Variants in NEK11 observed in about 807,000 individuals in gnomAD.
NEK11 encodes the protein serine/threonine-protein kinase Nek11.
Under a neutral mutation model 80.7 loss-of-function variants are expected in NEK11, and 72 were observed. That is an observed-to-expected ratio of 0.89 (90% CI 0.74 to 1.08). The LOEUF is 1.08. Among genes scored for constraint, NEK11 ranks in the 50% least tolerant of loss-of-function variants. NEK11 has a pLI of 0.00. For synonymous variants in NEK11, 251 were observed against 260.7 expected (o/e 0.96, Z 0.36); for missense variants, 764 against 763.6 (o/e 1.00, Z -0.01).
At chr3:131,254,352 A>C (rs1459259791) in intron 16 of NEK11, among the ~76,000 whole-genome samples, 2 of 152,196 alleles carry the variant, frequency 1.3e-5, no homozygotes, top group Non-Finnish European at 2.9e-5. Context: ...CAATAGTGCA[A>C]GATTAACTGA....
intron 5 of NEK11, 69 bp downstream of exon 5, chr3:131,109,990 T>A: frequency 6.7e-7 from 1 of 1,483,794 alleles, no homozygotes; most frequent in Non-Finnish European, 9.0e-7. Flanking sequence ...GAAAAGTGAA[T>A]TTTTTTTCTA....
chr3:131,036,876 T>C (rs2065731410), intron 3 of NEK11, among the ~76,000 whole-genome samples: 1 of 152,222 alleles, frequency 6.6e-6, no homozygotes, highest in Admixed American at 6.5e-5. Flanking sequence ...GCATTCAGTG[T>C]GAATGGCACT....
chr3:131,205,464 C>A (rs2094416225), intron 14 of NEK11, among the ~76,000 whole-genome samples: 1 of 152,126 alleles, frequency 6.6e-6, no homozygotes, highest in African/African-American at 2.4e-5. Context: ...CAGTTGCTAT[C>A]AGGTTGTTCA....
chr3:131,229,090 A>T (rs1371618172), intron 15 of NEK11, among the ~76,000 whole-genome samples: 1 of 152,176 alleles, frequency 6.6e-6, no homozygotes, highest in African/African-American at 2.4e-5. Context: ...CACAAATTGA[A>T]TGCAAATAAA....
In NEK11 at chr3:131,177,839, A is replaced by T. The variant is rs116739483; in HGVS notation, c.1399+6952A>T. On this transcript the variant is annotated intron_variant, in intron 14 of 17. Coordinates refer to ENST00000383366, the MANE Select transcript of NEK11 (RefSeq NM_024800.5). ...AACCTATTCAAATATCACTCACGTG[A>T]ATACAGTCATGTACTGCTTAATGAC... Among the ~76,000 whole-genome samples the T allele has an allele frequency of 3.3e-3, 507 of 152,346 alleles. 4 individuals are homozygous for T. Among genetic ancestry groups the T allele is most frequent in the South Asian group, 0.022 (104 of 4,828 alleles).
intron 4 of NEK11, among the ~76,000 whole-genome samples, chr3:131,093,879 T>C (rs926960579): frequency 6.6e-6 from 1 of 151,554 alleles, no homozygotes; most frequent in Non-Finnish European, 1.5e-5. Context: ...TATCACATTA[T>C]CTTGCCATAT....
At chr3:131,325,611 A>ATT (rs1303349222) in intron 17 of NEK11, 1 of 152,188 alleles carries the variant, frequency 6.6e-6, no homozygotes, top group African/African-American at 2.4e-5. Context: ...AGTTGGGATA[A>ATT]TCATAAAAAG....
intron 5 of NEK11, among the ~76,000 whole-genome samples, chr3:131,119,421 T>A (rs1158016650): frequency 1.3e-5 from 2 of 152,162 alleles, no homozygotes; most frequent in African/African-American, 4.8e-5. Context: ...AAGTGCAATG[T>A]GGTGCTGAGA....
intron 3 of NEK11, chr3:131,053,215 G>A (rs1025202432): frequency 1.3e-5 from 2 of 152,200 alleles, no homozygotes; most frequent in Non-Finnish European, 2.9e-5. Context: ...GTAGATGGTG[G>A]TAATGTAACA....
At chr3:131,226,185 A>G (rs2095188998) in intron 14 of NEK11, among the ~76,000 whole-genome samples, 2 of 152,134 alleles carry the variant, frequency 1.3e-5, no homozygotes, top group Non-Finnish European at 2.9e-5. Flanking sequence ...GGAAGACATC[A>G]TATGGTTCTG....
chr3:131,325,790 C>CAGAT (rs1197871147), intron 17 of NEK11: 1 of 152,212 alleles, frequency 6.6e-6, no homozygotes, highest in Non-Finnish European at 1.5e-5. Flanking sequence ...AACCACTAGT[C>CAGAT]AGATACCAGT....
At chr3:131,283,346 T>C (rs542478838) in intron 17 of NEK11, among the ~76,000 whole-genome samples, 1 of 152,328 alleles carries the variant, frequency 6.6e-6, no homozygotes, top group East Asian at 1.9e-4. Flanking sequence ...ACCTTAGAGA[T>C]GCAGAAGCTG....
chr3:131,153,807 A>G (rs1055375010), intron 9 of NEK11, among the ~76,000 whole-genome samples: 3 of 152,216 alleles, frequency 2.0e-5, no homozygotes, highest in Non-Finnish European at 4.4e-5. Context: ...TAACCAAGAA[A>G]AAGTAAGGAT....
In NEK11 at chr3:131,231,200, T is replaced by C. The variant is rs992692585; in HGVS notation, c.1560+2512T>C. Among the ~76,000 whole-genome samples, 8 of 134,514 alleles carry C rather than the reference T, an allele frequency of 5.9e-5. No homozygotes were observed. In the East Asian group the frequency reaches 1.7e-3, roughly 29 times the overall value. 88.2% of individuals were successfully genotyped at this position (134,514 alleles called of 152,430 possible). A position where few individuals can be genotyped will look rare whatever the true frequency, so the allele number is the denominator to read the frequency against. On this transcript the variant is annotated intron_variant, in intron 15 of 17. Coordinates refer to ENST00000383366, the MANE Select transcript of NEK11 (RefSeq NM_024800.5). ...GGGTAGTTATCTTATTCCTATTTTC[T>C]TTTTTTTCTTTTTTTTTTTGAGACA... is the stretch of plus-strand genomic sequence containing the variant.
At chr3:131,068,992 T>C (rs1163603138) in intron 3 of NEK11, among the ~76,000 whole-genome samples, 1 of 152,168 alleles carries the variant, frequency 6.6e-6, no homozygotes, top group African/African-American at 2.4e-5. Flanking sequence ...GCCTGCATAT[T>C]ACACTTGCCA....
chr3:131,256,458 A>G (rs1030339783), intron 16 of NEK11, among the ~76,000 whole-genome samples: 21 of 152,332 alleles, frequency 1.4e-4, no homozygotes, highest in African/African-American at 5.0e-4. Context: ...GTCTTCTACA[A>G]AGACTATGCA....
intron 14 of NEK11, among the ~76,000 whole-genome samples, chr3:131,217,505 G>A (rs987396026): frequency 1.3e-5 from 2 of 152,094 alleles, no homozygotes; most frequent in Admixed American, 1.3e-4. Context: ...ACTTAAAAAC[G>A]GGGATGCGTT....
intron 17 of NEK11, chr3:131,328,763 C>T (rs1285726090): frequency 6.6e-6 from 1 of 152,328 alleles, no homozygotes; most frequent in East Asian, 1.9e-4. Context: ...ACATGTTAAA[C>T]GTTTTCTGCT....
intron 14 of NEK11, among the ~76,000 whole-genome samples, chr3:131,198,264 A>G (rs2094103697): frequency 6.6e-6 from 1 of 152,148 alleles, no homozygotes; most frequent in Non-Finnish European, 1.5e-5. Context: ...TTCCATCAGT[A>G]TACAAGCTGA....
Sources: gnomAD v4.1 joint callset for allele counts (sites outside exome capture counted in the v4.1 genomes callset) on GRCh38, gnomAD v4.1.1 for gene constraint, MANE v1.5 for transcripts, NCBI Gene and HGNC (gene_info 2026-07-23, HGNC 2026-07-21) for gene names.